TBXAS1: variants seen among roughly 807,000 people sequenced by gnomAD.
TBXAS1 encodes thromboxane-A synthase.
Under a neutral mutation model 60.7 loss-of-function variants are expected in TBXAS1, and 48 were observed. The observed-to-expected ratio is 0.79, with a 90% CI of 0.63 to 1.01. The LOEUF (loss-of-function observed/expected upper bound fraction) is 1.01, where lower values mean the gene tolerates loss of function less well. TBXAS1 is among the 50% of genes least tolerant of loss of function. The pLI is 0.00. For missense variants in TBXAS1, 685 were observed against 686.3 expected, an observed-to-expected ratio of 1.00 and a Z score of 0.02; for synonymous variants, 287 against 269.7, an observed-to-expected ratio of 1.06 and a Z score of -0.63.
chr7:139,906,742 C>A (rs1452172974), intron 3 of TBXAS1, among the ~76,000 whole-genome samples: 1 of 143,340 alleles, frequency 7.0e-6, no homozygotes, highest in African/African-American at 2.6e-5. Flanking sequence ...TGGAGTCTTC[C>A]AATCCATGAA....
chr7:139,877,317 C>T (rs759900026), intron 3 of TBXAS1, among the ~76,000 whole-genome samples: 1 of 152,206 alleles, frequency 6.6e-6, no homozygotes, highest in Non-Finnish European at 1.5e-5. Flanking sequence ...TAGCTTCTTG[C>T]TTTAAGCGTG....
At chr7:139,889,006 T>G (rs1033658152) in intron 3 of TBXAS1, among the ~76,000 whole-genome samples, 1 of 151,182 alleles carries the variant, frequency 6.6e-6, no homozygotes, top group Non-Finnish European at 1.5e-5. Context: ...TTATCAGAAA[T>G]GGAAGGAAAA....
intron 1 of TBXAS1, among the ~76,000 whole-genome samples, chr7:139,830,995 A>C (rs574400369): frequency 1.3e-5 from 2 of 152,132 alleles, no homozygotes; most frequent in African/African-American, 4.8e-5. Flanking sequence ...TTCTTGGGCC[A>C]TATTAATAAC....
intron 1 of TBXAS1, among the ~76,000 whole-genome samples, chr7:139,847,684 G>A (rs1478944623): frequency 1.3e-5 from 2 of 152,044 alleles, no homozygotes; most frequent in African/African-American, 4.8e-5. Flanking sequence ...ATTTACCCCC[G>A]ACCCCTGCAA....
intron 3 of TBXAS1, among the ~76,000 whole-genome samples, chr7:139,882,630 A>C (rs574941667): frequency 5.3e-5 from 8 of 152,236 alleles, no homozygotes; most frequent in Non-Finnish European, 7.3e-5. Context: ...AAATATACAT[A>C]GTATATTGAG....
upstream of TBXAS1, among the ~76,000 whole-genome samples, chr7:139,824,291 C>G (rs930811997): frequency 1.3e-5 from 2 of 152,154 alleles, no homozygotes; most frequent in East Asian, 3.9e-4. Flanking sequence ...CAAGTGGGCA[C>G]CTCCCCGCAT....
intron 4 of TBXAS1, among the ~76,000 whole-genome samples, chr7:139,927,770 G>A (rs577095304): frequency 6.6e-6 from 1 of 152,104 alleles, no homozygotes; most frequent in East Asian, 1.9e-4. Flanking sequence ...TAGTTTTACT[G>A]TTATTGTAAG....
At chr7:139,825,983 G>A (rs1798426978), upstream of TBXAS1, among the ~76,000 whole-genome samples, 1 of 152,138 alleles carries the variant, frequency 6.6e-6, no homozygotes, top group South Asian at 2.1e-4. Context: ...GCTTATACCA[G>A]CAATTCTCAT....
intron 3 of TBXAS1, among the ~76,000 whole-genome samples, chr7:139,888,188 C>A (rs1803264312): frequency 6.6e-6 from 1 of 152,238 alleles, no homozygotes; most frequent in Non-Finnish European, 1.5e-5. Flanking sequence ...CAGTAGTCCT[C>A]ACCCAGAGCT....
rs1808243394 is a variant in TBXAS1 at position 139,940,961 on chromosome 7, TC to T, written c.450+4656del. 8.1e-5 allele frequency among the ~76,000 whole-genome samples: 11 copies of T among 135,154 alleles called. No individual in the cohort carries two copies. In the South Asian group the frequency reaches 2.8e-3, roughly 35 times the overall value. The allele number at this position is 135,154 out of a possible 152,430, so 88.7% of individuals were successfully genotyped here. A position where few individuals can be genotyped will look rare whatever the true frequency, so the allele number is the denominator to read the frequency against. The stretch of plus-strand genomic sequence containing the variant: ...TAAGAGGATACAGCAAACTGGCTTT[TC>T]CTTTAGAGAGTCACCAATATATATA... On this transcript the variant is annotated intron_variant, in intron 5 of 12. Transcript: ENST00000448866.
intron 4 of TBXAS1, among the ~76,000 whole-genome samples, chr7:139,816,932 C>T (rs1053557965): frequency 1.3e-5 from 2 of 152,194 alleles, no homozygotes; most frequent in Admixed American, 1.3e-4. Flanking sequence ...CTGTGAGCTG[C>T]GTAGACAAGA....
At position 140,013,909 on chromosome 7, in the gene TBXAS1, C is replaced by T. The variant is rs573567973; in HGVS notation, c.1227-1814C>T. Among the ~76,000 whole-genome samples, 11 of 152,222 alleles carry T rather than the reference C, an allele frequency of 7.2e-5. No individual in the cohort carries two copies. Among genetic ancestry groups the T allele is most frequent in the Non-Finnish European group, 1.3e-4 (9 of 68,032 alleles). ...ATCTTCCTGGCTTCTGATCTGCTGC[C>T]GTCCCCGATTCATGGCCTCACTTCA... is the stretch of plus-strand genomic sequence containing the variant. On this transcript the variant is annotated intron_variant, in intron 10 of 12. Transcript: ENST00000448866. This position sits in a 1 kb window ranked among gnomAD's most constrained non-coding sequence, Gnocchi z 4.2.
chr7:139,864,564 A>G (rs897294316), intron 1 of TBXAS1, among the ~76,000 whole-genome samples: 6 of 152,192 alleles, frequency 3.9e-5, no homozygotes, highest in African/African-American at 2.4e-5. Flanking sequence ...AAGGAATTTG[A>G]GTAAGAAAAA....
intron 9 of TBXAS1, among the ~76,000 whole-genome samples, chr7:139,980,006 G>C (rs1421329353): frequency 6.6e-6 from 1 of 151,476 alleles, no homozygotes; most frequent in Non-Finnish European, 1.5e-5. Flanking sequence ...TCTTTCCTTG[G>C]GAATAATTTA....
chr7:139,781,682 A>C (rs1796994928), intron 2 of TBXAS1, among the ~76,000 whole-genome samples: 1 of 152,002 alleles, frequency 6.6e-6, no homozygotes, highest in African/African-American at 2.4e-5. Flanking sequence ...AAACACAAAA[A>C]AAATTAGCCA....
At position 139,996,513 on chromosome 7, in the gene TBXAS1, C is replaced by T. The variant is rs569165860; in HGVS notation, c.1135-10578C>T. Reference sequence around the variant, plus strand: ...CACCCAGGTGGGGTGGTGGAGGGGGCCTCCAGCAAAATCCTGCAAAAGCTG... The same window carrying T: ...CACCCAGGTGGGGTGGTGGAGGGGGTCTCCAGCAAAATCCTGCAAAAGCTG... On this transcript the variant is annotated intron_variant, in intron 9 of 12. Transcript: ENST00000448866. 3.5e-4 allele frequency among the ~76,000 whole-genome samples: 53 copies of T among 152,304 alleles called. No individual in the cohort carries two copies. In the South Asian group the frequency reaches 0.011, roughly 32 times the overall value.
chr7:139,970,805 C>T (rs1811141684), intron 9 of TBXAS1, among the ~76,000 whole-genome samples: 1 of 152,132 alleles, frequency 6.6e-6, no homozygotes, highest in East Asian at 1.9e-4. Flanking sequence ...AAGTCATTTT[C>T]AAAGCAGATG....
Position 139,872,800 on chromosome 7 carries a change from A to G in TBXAS1, c.183+472A>G, listed in dbSNP as rs144466199. 6.1e-3 allele frequency among the ~76,000 whole-genome samples: 924 copies of G among 152,304 alleles called. 6 individuals carry two copies. The highest frequency in any genetic ancestry group is 7.0e-3 in the Non-Finnish European group (475 of 68,020). On this transcript the variant is annotated intron_variant, in intron 2 of 12. Transcript: ENST00000448866. The stretch of plus-strand genomic sequence containing the variant: ...ATGCCATGAGCCCTCCTCTACTTAT[A>G]TGAATTGTTATGTGATGGCAAGAAT...
At chr7:139,939,428 T>C (rs1808093799) in intron 5 of TBXAS1, among the ~76,000 whole-genome samples, 1 of 146,868 alleles carries the variant, frequency 6.8e-6, no homozygotes, top group Non-Finnish European at 1.5e-5. Flanking sequence ...ATAGAGCCCA[T>C]TATTTACCAT....
Sources: allele counts gnomAD v4.1 joint callset (sites outside exome capture counted in the v4.1 genomes callset), GRCh38; gene constraint gnomAD v4.1.1; non-coding constraint Gnocchi (gnomAD v3.1); transcripts MANE v1.5; gene names NCBI Gene and HGNC (gene_info 2026-07-23, HGNC 2026-07-21).